The following CCDC171 variants were observed in gnomAD, a reference collection of about 807,000 sequenced individuals.
CCDC171 encodes the protein coiled-coil domain-containing protein 171.
In CCDC171, 177 loss-of-function variants were observed where a neutral mutation model predicts 168.2. The observed-to-expected ratio is 1.05, with a 90% confidence interval of 0.93 to 1.19. CCDC171 has a LOEUF of 1.19. Ranked by LOEUF, CCDC171 falls within the 50% of genes most tolerant of loss-of-function variation. CCDC171 has a pLI of 0.00. For missense variants in CCDC171, 1,991 were observed against 1,539.0 expected (o/e 1.29, Z -4.91); for synonymous variants, 687 against 540.8 (o/e 1.27, Z -3.75).
At chr9:16,079,588 A>G in the CCDC171 span, among the ~76,000 whole-genome samples, 1 of 152,238 alleles carries the variant, frequency 6.6e-6, no homozygotes, top group Non-Finnish European at 1.5e-5. Context: ...GCAAATCACC[A>G]GAAGCCGGGA....
chr9:15,647,518 A>C (rs2047146904), intron 7 of CCDC171, among the ~76,000 whole-genome samples: 1 of 152,174 alleles, frequency 6.6e-6, no homozygotes, highest in Non-Finnish European at 1.5e-5. Flanking sequence ...ATAAAGAAGA[A>C]AAGAGAGAAG....
intron 21 of CCDC171, among the ~76,000 whole-genome samples, chr9:15,841,891 G>A (rs2060696325): frequency 1.3e-5 from 2 of 151,934 alleles, no homozygotes; most frequent in Non-Finnish European, 2.9e-5. Context: ...CACCTAGCAA[G>A]TATTTAATTA....
At chr9:15,553,430 C>A (rs775086853) in intron 1 of CCDC171, 128 bp downstream of exon 1, 1 of 152,236 alleles carries the variant, frequency 6.6e-6, no homozygotes, top group Non-Finnish European at 1.5e-5. Flanking sequence ...GGCACGCCTC[C>A]AGCTCCCTGG....
intron 23 of CCDC171, among the ~76,000 whole-genome samples, chr9:15,850,620 A>G (rs1803446162): frequency 6.6e-6 from 1 of 152,036 alleles, no homozygotes; most frequent in African/African-American, 2.4e-5. Flanking sequence ...CTTGTAGTGA[A>G]AACTTAGGAA....
At position 15,745,571 on chromosome 9, in the gene CCDC171, G is replaced by C; in HGVS notation, c.2611G>C (p.Asp871His). 2 of 1,591,228 alleles carry C rather than the reference G, an allele frequency of 1.3e-6. No individual in the cohort carries two copies. The highest frequency in any genetic ancestry group is 1.7e-6 in the Non-Finnish European group (2 of 1,170,610). ...AGCGCTCAGTTGGCTCACCAGTTCT[G>C]ACCTTCTTGCTGCAATAATCAGTTC... ...LQALSWLTSS[D>H]LLAAIISSMA... is the part of the protein sequence containing the mutation. Residue 871 changes from aspartate (D) to histidine (H), a missense_variant, in exon 18 of 26, where the codon GAC (aspartate) becomes CAC (histidine). By Grantham distance (81) the Asp-to-His change is moderately conservative. Transcript: ENST00000380701.
chr9:15,902,883 A>G (rs1821917451), intron 24 of CCDC171, among the ~76,000 whole-genome samples: 1 of 152,174 alleles, frequency 6.6e-6, no homozygotes, highest in Non-Finnish European at 1.5e-5. Flanking sequence ...CCAGGAGATT[A>G]TATCCTGTGC....
intron 23 of CCDC171, among the ~76,000 whole-genome samples, chr9:15,867,936 T>C (rs1237564097): frequency 6.6e-6 from 1 of 152,068 alleles, no homozygotes; most frequent in Non-Finnish European, 1.5e-5. Context: ...AGATTTATCA[T>C]GTTATATAGT....
At chr9:15,674,148 T>G (rs542290871) in intron 9 of CCDC171, among the ~76,000 whole-genome samples, 1 of 151,798 alleles carries the variant, frequency 6.6e-6, no homozygotes, top group Non-Finnish European at 1.5e-5. Flanking sequence ...GAGGTGTTTA[T>G]AGGTGTTTAT....
At chr9:16,064,957 T>C (rs1485473037), downstream of CCDC171, among the ~76,000 whole-genome samples, 1 of 152,328 alleles carries the variant, frequency 6.6e-6, no homozygotes, top group East Asian at 1.9e-4. Context: ...TTCTTTGCTT[T>C]CTTTAGTCAC....
intron 9 of CCDC171, among the ~76,000 whole-genome samples, chr9:15,676,886 G>C (rs1286688739): frequency 6.6e-6 from 1 of 152,100 alleles, no homozygotes; most frequent in Non-Finnish European, 1.5e-5. Flanking sequence ...TGGCCATCAA[G>C]TCTGGAATCT....
At chr9:15,725,716 C>A (rs995266566) in intron 14 of CCDC171, among the ~76,000 whole-genome samples, 2 of 152,148 alleles carry the variant, frequency 1.3e-5, no homozygotes, top group Non-Finnish European at 2.9e-5. Context: ...TCCTAAAGTA[C>A]TGGGATTACA....
chr9:16,064,440 C>T (rs756334740), downstream of CCDC171, among the ~76,000 whole-genome samples: 11 of 151,958 alleles, frequency 7.2e-5, no homozygotes, highest in East Asian at 1.9e-4. Flanking sequence ...AGGAGGAAGA[C>T]GCGAGAGGAG....
intron 9 of CCDC171, among the ~76,000 whole-genome samples, chr9:15,672,008 C>T (rs1359467868): frequency 6.6e-6 from 1 of 152,148 alleles, no homozygotes; most frequent in Non-Finnish European, 1.5e-5. Flanking sequence ...CTCTCCAGCA[C>T]CTGTTGTTTC....
intron 24 of CCDC171, among the ~76,000 whole-genome samples, chr9:15,895,811 A>T (rs1363130293): frequency 6.6e-6 from 1 of 152,060 alleles, no homozygotes; most frequent in Non-Finnish European, 1.5e-5. Context: ...GCAATTCTGT[A>T]ATTTACCAAT....
downstream of CCDC171, among the ~76,000 whole-genome samples, chr9:15,978,350 C>T (rs1390163083): frequency 1.3e-5 from 2 of 151,818 alleles, no homozygotes; most frequent in African/African-American, 4.9e-5. Flanking sequence ...GGTGTTCTTA[C>T]TGAAGTGTTC....
At chr9:15,620,243 C>A (rs539532376) in intron 6 of CCDC171, among the ~76,000 whole-genome samples, 2 of 152,110 alleles carry the variant, frequency 1.3e-5, no homozygotes, top group African/African-American at 4.8e-5. Flanking sequence ...ATAGTGACTC[C>A]TTTGATGGAT....
intron 7 of CCDC171, among the ~76,000 whole-genome samples, chr9:15,624,035 C>T (rs1048108920): frequency 6.6e-6 from 1 of 152,112 alleles, no homozygotes. Context: ...TTGTCCTAAA[C>T]ATAATTTGTA....
Position 15,628,463 on chromosome 9 carries a change from G to A in CCDC171, c.822+5050G>A, listed in dbSNP as rs557522722. Reference sequence around the variant, plus strand: ...TCTGAGATCAAACTGCAAGGCGGCAGCGAGGCTAGGGGAGGGGCGGCTGCC... The same window carrying A: ...TCTGAGATCAAACTGCAAGGCGGCAACGAGGCTAGGGGAGGGGCGGCTGCC... On this transcript the variant is annotated intron_variant, in intron 7 of 25. Coordinates refer to ENST00000380701, the MANE Select transcript of CCDC171 (RefSeq NM_173550.4). 3.7e-4 allele frequency among the ~76,000 whole-genome samples: 57 copies of A among 152,336 alleles called. No individual in the cohort carries two copies. The Middle Eastern group carries it at 0.01, about 27-fold the overall frequency.
chr9:16,055,134 C>A (rs1833817454), intron 1 of CCDC171, among the ~76,000 whole-genome samples: 1 of 152,096 alleles, frequency 6.6e-6, no homozygotes, highest in Non-Finnish European at 1.5e-5. Flanking sequence ...AGATTTTTGA[C>A]CTGAGCATTT....
Sources: gnomAD v4.1 joint callset for allele counts (sites outside exome capture counted in the v4.1 genomes callset) on GRCh38, gnomAD v4.1.1 for gene constraint, MANE v1.5 for transcripts, NCBI Gene and HGNC (gene_info 2026-07-23, HGNC 2026-07-21) for gene names.